The following PTPN2 variants were observed in gnomAD, a reference collection of about 807,000 sequenced individuals.
PTPN2 encodes the protein tyrosine-protein phosphatase non-receptor type 2.
Under a neutral mutation model 57.3 loss-of-function variants are expected in PTPN2, and 19 were observed. The ratio of observed to expected loss-of-function variants is 0.33; its 90% confidence interval spans 0.23 to 0.49. PTPN2 has a LOEUF of 0.49. PTPN2 is among the 20% of genes least tolerant of loss of function. The pLI, the probability that PTPN2 is intolerant of heterozygous loss-of-function variation, is 0.99. For synonymous variants in PTPN2, 153 were observed against 164.9 expected (o/e 0.93, Z 0.55); for missense variants, 358 against 501.1 (o/e 0.71, Z 2.73).
chr18:12,823,055 AG>A (rs1271032245), intron 5 of PTPN2, among the ~76,000 whole-genome samples: 1 of 152,196 alleles, frequency 6.6e-6, no homozygotes, highest in Non-Finnish European at 1.5e-5. Flanking sequence ...CTGATTCTAG[AG>A]GTTATCTACT....
At position 12,867,527 on chromosome 18, in the gene PTPN2, T is replaced by G. The variant is rs534040417; in HGVS notation, c.70-8273A>C. Reference sequence around the variant, plus strand: ...ATGTACCTCAAATTTAAACTTTCTTTTGGCTGACTTCAAAAAAAATACATT... The same window carrying G: ...ATGTACCTCAAATTTAAACTTTCTTGTGGCTGACTTCAAAAAAAATACATT... On this transcript the variant is annotated intron_variant, in intron 1 of 8. Coordinates refer to ENST00000309660, the MANE Select transcript of PTPN2 (RefSeq NM_002828.4). 2.6e-5 allele frequency among the ~76,000 whole-genome samples: 4 copies of G among 152,306 alleles called. No individual in the cohort carries two copies. The East Asian group carries it at 7.7e-4, about 29-fold the overall frequency.
At position 12,786,552 on chromosome 18, in the gene PTPN2, T is replaced by A. The variant is rs2040849187; in HGVS notation, c.1143-708A>T. 3 of 152,356 alleles carry A rather than the reference T, an allele frequency of 2.0e-5. No homozygotes were observed. In the South Asian group the frequency reaches 6.2e-4, roughly 32 times the overall value. The allele number at this position is 152,356 out of a possible 1,614,324, so 9.4% of individuals were successfully genotyped here. On this transcript the variant is annotated intron_variant, in intron 9 of 9. Coordinates refer to the PTPN2 transcript ENST00000327283. ...ATGGAATGACTATTGTAAGGGCAGTTGAGTTTTTGATGTCACCTCCCAAAC... is the reference window on the plus strand; with the variant it reads ...ATGGAATGACTATTGTAAGGGCAGTAGAGTTTTTGATGTCACCTCCCAAAC...
intron 1 of PTPN2, among the ~76,000 whole-genome samples, chr18:12,874,250 G>C (rs1020223808): frequency 6.7e-6 from 1 of 148,946 alleles, no homozygotes; most frequent in African/African-American, 2.5e-5. Flanking sequence ...CGGGAGGGAG[G>C]TGGGGGGTTC....
chr18:12,816,823 A>G (rs940897071), intron 6 of PTPN2, among the ~76,000 whole-genome samples: 3 of 152,202 alleles, frequency 2.0e-5, no homozygotes, highest in African/African-American at 7.2e-5. Context: ...GAGATAAAGT[A>G]TCTGTCTGAG....
At chr18:12,836,582 C>T (rs571484611) in intron 3 of PTPN2, among the ~76,000 whole-genome samples, 2 of 152,216 alleles carry the variant, frequency 1.3e-5, no homozygotes, top group Non-Finnish European at 2.9e-5. Flanking sequence ...CTTCACAGAA[C>T]GTGTAATATC....
At chr18:12,798,030 C>T (rs1428010076) in intron 8 of PTPN2, among the ~76,000 whole-genome samples, 1 of 152,148 alleles carries the variant, frequency 6.6e-6, no homozygotes, top group Admixed American at 6.6e-5. Context: ...CTGCTCCAGA[C>T]TTTTCGTATG....
intron 2 of PTPN2, among the ~76,000 whole-genome samples, chr18:12,847,111 C>T (rs1362557021): frequency 1.3e-5 from 2 of 150,728 alleles, no homozygotes; most frequent in African/African-American, 2.4e-5. Context: ...AAGGTGAATG[C>T]GGGAAATTGG....
intron 4 of PTPN2, among the ~76,000 whole-genome samples, chr18:12,826,195 G>C (rs759960772): frequency 6.6e-6 from 1 of 152,188 alleles, no homozygotes. Context: ...CTGAGATCAG[G>C]AGTTCGAGAC....
At chr18:12,798,698 T>C (rs553325329) in intron 8 of PTPN2, among the ~76,000 whole-genome samples, 181 of 152,346 alleles carry the variant, frequency 1.2e-3, no homozygotes, top group Non-Finnish European at 2.3e-3. Context: ...CTATGGTGAA[T>C]AGTGCTGCAA....
chr18:12,804,385 G>A (rs1471084922), intron 7 of PTPN2, among the ~76,000 whole-genome samples: 1 of 147,618 alleles, frequency 6.8e-6, no homozygotes, highest in East Asian at 2.0e-4. Flanking sequence ...CCCAAAATTA[G>A]CAGAACAAAG....
At chr18:12,795,429 G>C (rs976797493) in intron 8 of PTPN2, among the ~76,000 whole-genome samples, 2 of 152,130 alleles carry the variant, frequency 1.3e-5, no homozygotes, top group Non-Finnish European at 2.9e-5. Context: ...AAGTAGCTGG[G>C]ATTACAGACG....
In PTPN2 at chr18:12,870,343, A is replaced by G. The variant is rs1410185308; in HGVS notation, c.70-11089T>C. Among the ~76,000 whole-genome samples the G allele has an allele frequency of 3.0e-3, 121 of 40,244 alleles. 11 individuals carry two copies. Among genetic ancestry groups the G allele is most frequent in the South Asian group, 7.8e-3 (6 of 770 alleles). The allele number at this position is 40,244 out of a possible 152,430, so 26.4% of individuals were successfully genotyped here. A position where few individuals can be genotyped will look rare whatever the true frequency, so the allele number is the denominator to read the frequency against. On this transcript the variant is annotated intron_variant, in intron 1 of 8. Transcript: ENST00000309660. ...TGTGTATATATATGTATATATATACATATATATGTGTATATATATGTGTAT... is the reference window on the plus strand; with the variant it reads ...TGTGTATATATATGTATATATATACGTATATATGTGTATATATATGTGTAT...
intron 1 of PTPN2, chr18:12,872,289 GC>G (rs1194784263): frequency 6.6e-6 from 1 of 152,056 alleles, no homozygotes; most frequent in African/African-American, 2.4e-5. Flanking sequence ...GAAATTGATA[GC>G]TTTCAGACTA....
downstream of PTPN2, among the ~76,000 whole-genome samples, chr18:12,788,916 C>T (rs1359877263): frequency 6.6e-6 from 1 of 152,142 alleles, no homozygotes; most frequent in Non-Finnish European, 1.5e-5. Context: ...CAAACTCATA[C>T]TATTTTCCTA....
chr18:12,874,651 G>A (rs1298256143), intron 1 of PTPN2, among the ~76,000 whole-genome samples: 5 of 147,734 alleles, frequency 3.4e-5, no homozygotes, highest in East Asian at 4.2e-4. Context: ...TCAGCCCCCC[G>A]CCCGGCCAGC....
intron 7 of PTPN2, among the ~76,000 whole-genome samples, chr18:12,806,575 T>C (rs2041658474): frequency 6.6e-6 from 1 of 152,146 alleles, no homozygotes; most frequent in South Asian, 2.1e-4. Flanking sequence ...CAAAATAGCA[T>C]GCTACTATCA....
At chr18:12,877,808 A>G (rs1019136051) in intron 1 of PTPN2, among the ~76,000 whole-genome samples, 1 of 151,664 alleles carries the variant, frequency 6.6e-6, no homozygotes, top group Non-Finnish European at 1.5e-5. Context: ...TCAGGAGATC[A>G]AGACCATCCT....
At chr18:12,802,528 C>T (rs559078083) in intron 7 of PTPN2, among the ~76,000 whole-genome samples, 47 of 152,214 alleles carry the variant, frequency 3.1e-4, no homozygotes, top group African/African-American at 1.0e-3. Flanking sequence ...GCACACTGAA[C>T]ACATTCAATG....
chr18:12,856,835 G>A (rs923126795), intron 2 of PTPN2, among the ~76,000 whole-genome samples: 5 of 152,052 alleles, frequency 3.3e-5, no homozygotes, highest in South Asian at 2.1e-4. Flanking sequence ...TGAAGCAGGC[G>A]GATCACTTGA....
Sources: gnomAD v4.1 joint callset for allele counts (sites outside exome capture counted in the v4.1 genomes callset) on GRCh38, gnomAD v4.1.1 for gene constraint, MANE v1.5 for transcripts, NCBI Gene and HGNC (gene_info 2026-07-23, HGNC 2026-07-21) for gene names.